The following THADA variants were observed in gnomAD, a reference collection of about 807,000 sequenced individuals.
THADA encodes the protein tRNA (32-2'-O)-methyltransferase regulator THADA.
In THADA, 213 loss-of-function variants were observed where a neutral mutation model predicts 219.8. The ratio of observed to expected loss-of-function variants is 0.97; its 90% CI spans 0.87 to 1.09. THADA has a LOEUF of 1.09. Among genes scored for constraint, THADA ranks in the 50% least tolerant of loss-of-function variants. The probability of loss-of-function intolerance (pLI) is 0.00; values close to 1 mark genes in which losing one functional copy is unlikely to be tolerated. For synonymous variants in THADA, 1,018 were observed against 828.9 expected (o/e 1.23, Z -3.92); for missense variants, 2,956 against 2,311.3 (o/e 1.28, Z -5.72).
chr2:43,258,711 GA>G (rs1166346866), intron 36 of THADA, among the ~76,000 whole-genome samples: 1 of 152,150 alleles, frequency 6.6e-6, no homozygotes, highest in African/African-American at 2.4e-5. Context: ...AAATCAAGTT[GA>G]AGGTCACTTT....
intron 30 of THADA, among the ~76,000 whole-genome samples, chr2:43,339,439 C>T (rs1450917647): frequency 6.6e-6 from 1 of 152,122 alleles, no homozygotes; most frequent in Non-Finnish European, 1.5e-5. Context: ...TGCCACCACT[C>T]AGCTAATTTT....
intron 29 of THADA, among the ~76,000 whole-genome samples, chr2:43,378,907 A>G (rs970241179): frequency 6.6e-6 from 1 of 152,146 alleles, no homozygotes; most frequent in Non-Finnish European, 1.5e-5. Context: ...CACCAGCCTA[A>G]TAATATCTTC....
intron 25 of THADA, among the ~76,000 whole-genome samples, chr2:43,496,928 A>G (rs902100407): frequency 2.0e-5 from 3 of 152,240 alleles, no homozygotes; most frequent in Admixed American, 2.0e-4. Context: ...TGGATAAAGA[A>G]AATGTGGTAG....
chr2:43,268,361 C>T (rs1048865545), intron 36 of THADA, among the ~76,000 whole-genome samples: 2 of 152,140 alleles, frequency 1.3e-5, no homozygotes, highest in African/African-American at 4.8e-5. Context: ...TGCACAGATT[C>T]CCAACATGCC....
At chr2:43,275,850 T>C (rs575105848) in intron 36 of THADA, among the ~76,000 whole-genome samples, 1 of 152,376 alleles carries the variant, frequency 6.6e-6, no homozygotes, top group East Asian at 1.9e-4. Context: ...TTAAGAATCA[T>C]GCAAATGCCA....
chr2:43,414,048 T>A (rs1573530976), intron 28 of THADA, among the ~76,000 whole-genome samples: 1 of 152,238 alleles, frequency 6.6e-6, no homozygotes, highest in African/African-American at 2.4e-5. Context: ...AAATGTTATG[T>A]AAGTTGTTAT....
intron 36 of THADA, among the ~76,000 whole-genome samples, chr2:43,270,624 G>C (rs1376578731): frequency 2.0e-5 from 3 of 152,198 alleles, no homozygotes; most frequent in African/African-American, 7.2e-5. Context: ...TCCAACTCTG[G>C]CTCTGACACT....
At chr2:43,332,154 T>G (rs548655775) in intron 30 of THADA, among the ~76,000 whole-genome samples, 1 of 152,344 alleles carries the variant, frequency 6.6e-6, no homozygotes, top group South Asian at 2.1e-4. Flanking sequence ...GGCACGATCT[T>G]GGCTCACTGC....
intron 26 of THADA, among the ~76,000 whole-genome samples, chr2:43,436,816 T>A (rs903462739): frequency 6.6e-6 from 1 of 152,236 alleles, no homozygotes; most frequent in Non-Finnish European, 1.5e-5. Context: ...ACAAATGCTT[T>A]CTTTACAGGA....
intron 3 of THADA, 84 bp from the exon 4 acceptor site, chr2:43,591,038 T>G (rs1418200847): frequency 9.6e-6 from 13 of 1,350,522 alleles, no homozygotes; most frequent in Non-Finnish European, 1.3e-5. Flanking sequence ...GAAGTCTCAA[T>G]TGCTGGGTAC....
chr2:43,480,902 G>A (rs1433930344), intron 26 of THADA, among the ~76,000 whole-genome samples: 1 of 152,018 alleles, frequency 6.6e-6, no homozygotes, highest in Non-Finnish European at 1.5e-5. Context: ...GCCAAATAGG[G>A]CTTGCTACAA....
chr2:43,508,525 G>A (rs531336532), intron 23 of THADA, 123 bp downstream of exon 23: 7 of 932,490 alleles, frequency 7.5e-6, no homozygotes, highest in African/African-American at 1.7e-5. Flanking sequence ...CAAATGCTAT[G>A]GTGCTGAAAA....
At chr2:43,393,644 G>A (rs1673678544) in intron 29 of THADA, among the ~76,000 whole-genome samples, 1 of 151,546 alleles carries the variant, frequency 6.6e-6, no homozygotes, top group Admixed American at 6.6e-5. Flanking sequence ...GAAGGCAGAG[G>A]TTGCAGTGAG....
At chr2:43,379,046 T>C (rs762533059) in intron 29 of THADA, among the ~76,000 whole-genome samples, 7 of 151,676 alleles carry the variant, frequency 4.6e-5, no homozygotes, top group Non-Finnish European at 8.8e-5. Context: ...AACAGAGAAA[T>C]TGGTTAAATA....
intron 22 of THADA, among the ~76,000 whole-genome samples, chr2:43,516,303 G>C (rs1574044513): frequency 6.6e-6 from 1 of 152,112 alleles, no homozygotes; most frequent in East Asian, 1.9e-4. Context: ...ATTTTACTCA[G>C]AGTAAAAGCC....
chr2:43,330,306 A>C (rs577230403), intron 30 of THADA, among the ~76,000 whole-genome samples: 1 of 152,264 alleles, frequency 6.6e-6, no homozygotes, highest in Admixed American at 6.5e-5. Context: ...TCCCAGAGGC[A>C]CCCAGGCCAG....
intron 26 of THADA, among the ~76,000 whole-genome samples, chr2:43,451,282 G>C (rs1249481205): frequency 6.6e-6 from 1 of 152,160 alleles, no homozygotes; most frequent in Admixed American, 6.5e-5. Flanking sequence ...TTTAGAGCTT[G>C]ATGGCTTTAG....
chr2:43,441,511 G>T (rs1387256520), intron 26 of THADA, among the ~76,000 whole-genome samples: 2 of 152,090 alleles, frequency 1.3e-5, no homozygotes, highest in African/African-American at 4.8e-5. Context: ...ATTATTTAAG[G>T]GGCTTATCCA....
chr2:43,249,502 T>C (rs1696425351), intron 36 of THADA, among the ~76,000 whole-genome samples: 1 of 152,194 alleles, frequency 6.6e-6, no homozygotes, highest in African/African-American at 2.4e-5. Flanking sequence ...TGATTATGTC[T>C]CAGTCTAAAA....
Sources: allele counts gnomAD v4.1 joint callset (sites outside exome capture counted in the v4.1 genomes callset), GRCh38; gene constraint gnomAD v4.1.1; transcripts MANE v1.5; gene names NCBI Gene and HGNC (gene_info 2026-07-23, HGNC 2026-07-21).